CADPS2: variants seen among roughly 807,000 people sequenced by gnomAD.
CADPS2 encodes calcium-dependent secretion activator 2.
Under a neutral mutation model 172.5 loss-of-function variants are expected in CADPS2, and 93 were observed. That is an observed-to-expected ratio of 0.54 (90% CI 0.46 to 0.64). CADPS2 has a LOEUF of 0.64. Ranked by LOEUF, CADPS2 falls within the 30% of genes least tolerant of loss-of-function variation. CADPS2 has a pLI of 0.00. For synonymous variants in CADPS2, 546 were observed against 555.2 expected (o/e 0.98, Z 0.23); for missense variants, 1,420 against 1,565.9 (o/e 0.91, Z 1.57).
chr7:122,718,740 A>C (rs149069042), intron 2 of CADPS2, among the ~76,000 whole-genome samples: 2 of 152,228 alleles, frequency 1.3e-5, no homozygotes, highest in African/African-American at 4.8e-5. Flanking sequence ...GGTCAAGCTG[A>C]AGCGCTGACC....
In CADPS2 at chr7:122,782,262, T is replaced by C. The variant is rs533498365; in HGVS notation, c.340-45194A>G. On this transcript the variant is annotated intron_variant, in intron 1 of 29. Transcript: ENST00000449022. ...AATAACACATTAGTAAGAGGGATAA[T>C]CTCCTCTTGCCATGTCTTTGTGGCT... is the stretch of plus-strand genomic sequence containing the variant. Among the ~76,000 whole-genome samples, 37 of 152,302 alleles carry C rather than the reference T, an allele frequency of 2.4e-4. No individual in the cohort carries two copies. In the South Asian group the frequency reaches 6.0e-3, roughly 25 times the overall value.
intron 2 of CADPS2, among the ~76,000 whole-genome samples, chr7:122,721,607 G>A (rs2090411444): frequency 6.6e-6 from 1 of 152,026 alleles, no homozygotes; most frequent in Admixed American, 6.6e-5. Context: ...TTCTACCAGA[G>A]GTACAAGGAG....
At chr7:122,818,114 G>A (rs181627584) in intron 1 of CADPS2, among the ~76,000 whole-genome samples, 52 of 131,948 alleles carry the variant, frequency 3.9e-4, no homozygotes, top group Non-Finnish European at 5.2e-4. Context: ...AAGAACCCCC[G>A]AACCCCTTCC....
chr7:122,681,325 A>C, intron 2 of CADPS2: 1 of 1,347,674 alleles, frequency 7.4e-7, no homozygotes, highest in Non-Finnish European at 1.1e-6. Context: ...ATGACAAAGA[A>C]AAGAAGGAAC....
At chr7:122,423,716 G>A (rs765272733) in intron 17 of CADPS2, among the ~76,000 whole-genome samples, 1 of 152,064 alleles carries the variant, frequency 6.6e-6, no homozygotes, top group Non-Finnish European at 1.5e-5. Context: ...CTTGGCTTAA[G>A]CATGCATCAG....
At chr7:122,626,181 C>CT (rs150415636) in intron 4 of CADPS2, among the ~76,000 whole-genome samples, 26,656 of 152,042 alleles carry the variant, frequency 0.18, 2,420 homozygotes, top group East Asian at 0.23. Flanking sequence ...AGGAACTTTT[C>CT]TTTTTTTCTC....
intron 2 of CADPS2, among the ~76,000 whole-genome samples, chr7:122,735,429 T>C (rs1015944207): frequency 8.5e-5 from 13 of 152,162 alleles, no homozygotes; most frequent in African/African-American, 2.2e-4. Flanking sequence ...ATAATCCTCA[T>C]GTAGAACACA....
intron 1 of CADPS2, among the ~76,000 whole-genome samples, chr7:122,768,087 G>T (rs151006842): frequency 1.2e-3 from 184 of 152,232 alleles, no homozygotes; most frequent in African/African-American, 4.1e-3. Flanking sequence ...GTAAAATGTG[G>T]TGATGAAAGC....
intron 2 of CADPS2, among the ~76,000 whole-genome samples, chr7:122,705,329 G>A (rs569857503): frequency 4.7e-5 from 7 of 149,864 alleles, no homozygotes; most frequent in African/African-American, 1.5e-4. Context: ...TTCAATACAT[G>A]GACATTCTTT....
chr7:122,353,283 C>A (rs1429111251), intron 27 of CADPS2, among the ~76,000 whole-genome samples: 1 of 152,074 alleles, frequency 6.6e-6, no homozygotes, highest in Non-Finnish European at 1.5e-5. Flanking sequence ...TGGGTAAGAA[C>A]CACCTTTTGG....
intron 28 of CADPS2, among the ~76,000 whole-genome samples, chr7:122,344,351 A>T (rs2037242218): frequency 6.6e-6 from 1 of 151,934 alleles, no homozygotes; most frequent in Admixed American, 6.5e-5. Context: ...GTCACAAGCA[A>T]AGTATCATTT....
chr7:122,528,916 T>C (rs1052426541), intron 8 of CADPS2, among the ~76,000 whole-genome samples: 11 of 152,130 alleles, frequency 7.2e-5, no homozygotes, highest in African/African-American at 2.7e-4. Flanking sequence ...CTTCACTTCC[T>C]TTTAACCTTT....
intron 25 of CADPS2, chr7:122,378,825 T>C (rs2042653313): frequency 6.6e-6 from 1 of 152,444 alleles, no homozygotes; most frequent in South Asian, 2.1e-4. Flanking sequence ...ATCTAAATCA[T>C]CTAATCACTA....
In CADPS2 at chr7:122,663,476, T is replaced by C. The variant is rs2080838392; in HGVS notation, c.547A>G (p.Lys183Glu). ...FREVFKKNIE[K>E]RVRSLPEIDG... ...ATTTCTGGCAAACTCCGCACACGTTTTTCTATGTTTTTCTTAAATACTTCT... is the reference window on the plus strand; with the variant it reads ...ATTTCTGGCAAACTCCGCACACGTTCTTCTATGTTTTTCTTAAATACTTCT... The change falls in exon 3 of 30, where the codon AAA (lysine) becomes GAA (glutamate). Residue 183 changes from lysine to glutamate, a missense_variant. Physicochemically the swap from Lys to Glu is moderately conservative, Grantham distance 56. Coordinates refer to ENST00000449022, the MANE Select transcript of CADPS2 (RefSeq NM_017954.11). 3.7e-6 allele frequency: 6 copies of C among 1,613,830 alleles called. No individual in the cohort carries two copies. The South Asian group carries it at 4.4e-5, about 12-fold the overall frequency.
At chr7:122,417,322 C>T (rs1211511085) in intron 17 of CADPS2, among the ~76,000 whole-genome samples, 3 of 152,146 alleles carry the variant, frequency 2.0e-5, no homozygotes, top group Non-Finnish European at 4.4e-5. Flanking sequence ...AACCCTCAAG[C>T]CATATACACT....
At chr7:122,872,900 G>A (rs901462829) in intron 1 of CADPS2, among the ~76,000 whole-genome samples, 1 of 152,010 alleles carries the variant, frequency 6.6e-6, no homozygotes, top group Non-Finnish European at 1.5e-5. Flanking sequence ...CACAACCCAA[G>A]AACAAAACTG....
intron 20 of CADPS2, among the ~76,000 whole-genome samples, chr7:122,399,656 GTTTCTTTTTTTTTTTTTTTTTTT>G (rs2045643243): frequency 1.1e-5 from 1 of 94,550 alleles, no homozygotes; most frequent in East Asian, 2.6e-4. Context: ...TCAAGGGTGG[GTTTCTTTTTTTTTTTTTTTTTTT>G]TTTTTTTTTT....
At chr7:122,852,996 T>C (rs1475019176) in intron 1 of CADPS2, among the ~76,000 whole-genome samples, 1 of 152,188 alleles carries the variant, frequency 6.6e-6, no homozygotes, top group Non-Finnish European at 1.5e-5. Flanking sequence ...ATGTTAATGA[T>C]AGAAAGTGCA....
intron 2 of CADPS2, among the ~76,000 whole-genome samples, chr7:122,710,978 C>T (rs2088611016): frequency 6.6e-6 from 1 of 152,078 alleles, no homozygotes; most frequent in South Asian, 2.1e-4. Context: ...TTTTCAAGTA[C>T]TTTCTCTTCA....
Sources: allele counts gnomAD v4.1 joint callset (sites outside exome capture counted in the v4.1 genomes callset), GRCh38; gene constraint gnomAD v4.1.1; transcripts MANE v1.5; gene names NCBI Gene and HGNC (gene_info 2026-07-23, HGNC 2026-07-21).